The following PTPRT variants were observed in gnomAD, a reference collection of about 807,000 sequenced individuals.
The protein encoded by PTPRT is protein tyrosine phosphatase receptor type T.
A neutral mutation model predicts 176.8 loss-of-function variants in PTPRT; 56 were observed. That is an observed-to-expected ratio of 0.32 (90% CI 0.26 to 0.40). PTPRT has a LOEUF of 0.40. Among genes scored for constraint, PTPRT ranks in the 10% least tolerant of loss-of-function variants. The pLI is 1.00. For missense variants in PTPRT, 1,540 were observed against 1,908.2 expected (o/e 0.81, Z 3.60); for synonymous variants, 783 against 739.0 (o/e 1.06, Z -0.96).
intron 1 of PTPRT, among the ~76,000 whole-genome samples, chr20:43,053,062 A>T (rs1338968747): frequency 1.3e-5 from 2 of 152,234 alleles, no homozygotes; most frequent in Non-Finnish European, 2.9e-5. Context: ...GACATAAAAA[A>T]AAAAAGGAGT....
chr20:42,062,603 T>TC, the PTPRT span, among the ~76,000 whole-genome samples: 2 of 152,236 alleles, frequency 1.3e-5, no homozygotes, highest in Admixed American at 6.5e-5. Flanking sequence ...GGATTTTTTT[T>TC]CCCACATAAA....
chr20:42,948,881 C>T (rs548292732), intron 1 of PTPRT, among the ~76,000 whole-genome samples: 1 of 152,330 alleles, frequency 6.6e-6, no homozygotes, highest in South Asian at 2.1e-4. Context: ...CCCACGTATC[C>T]AATTGTCCAT....
At chr20:42,492,401 T>G (rs2071575545) in intron 7 of PTPRT, among the ~76,000 whole-genome samples, 1 of 152,224 alleles carries the variant, frequency 6.6e-6, no homozygotes, top group Admixed American at 6.6e-5. Context: ...GTGTAGTGAT[T>G]CCTCACTGTG....
chr20:42,118,278 C>T lies in PTPRT; in HGVS notation c.2982+125G>A, dbSNP rs546932039. 38 of 696,722 alleles carry T rather than the reference C, an allele frequency of 5.5e-5. No homozygotes were observed. In the African/African-American group the frequency reaches 6.6e-4, roughly 12 times the overall value. 43.2% of individuals were successfully genotyped at this position (696,722 alleles called of 1,614,324 possible). ...TGTGGAATAGGAGTGATGACACCTC[C>T]CTTGTAGGTTGCCGTGAGGGTGAAA... On this transcript the variant is annotated intron_variant, in intron 21 of 30. Coordinates refer to ENST00000373187, the MANE Select transcript of PTPRT (RefSeq NM_007050.6).
At chr20:42,888,736 C>T (rs1352716994) in intron 1 of PTPRT, among the ~76,000 whole-genome samples, 2 of 152,182 alleles carry the variant, frequency 1.3e-5, no homozygotes, top group African/African-American at 4.8e-5. Context: ...TCCATTCCTT[C>T]ACTTATTCTA....
chr20:43,120,277 GT>G (rs11482986), intron 1 of PTPRT, among the ~76,000 whole-genome samples: 52 of 147,826 alleles, frequency 3.5e-4, no homozygotes, highest in East Asian at 8.0e-4. Context: ...TCCAGATCCA[GT>G]TTTTTTTTTT....
intron 7 of PTPRT, among the ~76,000 whole-genome samples, chr20:42,676,561 C>T (rs2075507399): frequency 7.1e-6 from 1 of 140,014 alleles, no homozygotes; most frequent in Non-Finnish European, 1.5e-5. Context: ...CTCTCTCTCT[C>T]TCTTTTATTC....
At chr20:42,528,560 C>A (rs2145528276) in intron 7 of PTPRT, among the ~76,000 whole-genome samples, 1 of 152,286 alleles carries the variant, frequency 6.6e-6, no homozygotes, top group Non-Finnish European at 1.5e-5. Context: ...CCCTTCCACT[C>A]CTGATGCCCT....
At chr20:42,414,191 A>G (rs2059043733) in intron 9 of PTPRT, among the ~76,000 whole-genome samples, 1 of 152,226 alleles carries the variant, frequency 6.6e-6, no homozygotes, top group Non-Finnish European at 1.5e-5. Flanking sequence ...TTGATGGATG[A>G]ATATCAGTAG....
intron 9 of PTPRT, among the ~76,000 whole-genome samples, chr20:42,405,267 T>C (rs1020277035): frequency 2.0e-5 from 3 of 151,792 alleles, no homozygotes; most frequent in African/African-American, 7.3e-5. Context: ...TATGTATACA[T>C]GTGCCATGTT....
intron 1 of PTPRT, among the ~76,000 whole-genome samples, chr20:43,065,675 T>A (rs1444189393): frequency 6.6e-6 from 1 of 152,080 alleles, no homozygotes. Context: ...GAGGTTCAGG[T>A]AAGGTGGGAC....
chr20:42,963,436 AAAC>A (rs1210247212), intron 1 of PTPRT, among the ~76,000 whole-genome samples: 2 of 151,362 alleles, frequency 1.3e-5, no homozygotes, highest in African/African-American at 4.8e-5. Flanking sequence ...AAAAAAATAA[AAAC>A]AACCTAACCA....
chr20:42,546,441 G>C (rs1362741178), intron 7 of PTPRT, among the ~76,000 whole-genome samples: 3 of 151,028 alleles, frequency 2.0e-5, no homozygotes, highest in East Asian at 3.9e-4. Context: ...CATACTACTA[G>C]TTAGGTTTTC....
chr20:43,171,180 T>C (rs1317364793), intron 1 of PTPRT, among the ~76,000 whole-genome samples: 1 of 152,232 alleles, frequency 6.6e-6, no homozygotes, highest in Admixed American at 6.5e-5. Context: ...TTAGAAAATA[T>C]AAATATGAAT....
intron 6 of PTPRT, among the ~76,000 whole-genome samples, chr20:42,684,632 CA>C (rs528248070): frequency 3.9e-5 from 6 of 152,094 alleles, no homozygotes; most frequent in Non-Finnish European, 8.8e-5. Flanking sequence ...CTGAAATACC[CA>C]AAGGCCTGAG....
intron 7 of PTPRT, among the ~76,000 whole-genome samples, chr20:42,509,672 T>G (rs2145448509): frequency 6.6e-6 from 1 of 152,058 alleles, no homozygotes; most frequent in Admixed American, 6.6e-5. Context: ...CTCAGGATTC[T>G]TTTAAGTAAG....
chr20:42,683,952 A>G (rs1029135379), intron 6 of PTPRT, among the ~76,000 whole-genome samples: 8 of 152,232 alleles, frequency 5.3e-5, no homozygotes, highest in African/African-American at 1.2e-4. Flanking sequence ...ACAGTGAGCA[A>G]TCGGCAGTAG....
intron 7 of PTPRT, among the ~76,000 whole-genome samples, chr20:42,558,369 A>AT (rs1171124413): frequency 2.0e-5 from 3 of 152,064 alleles, no homozygotes; most frequent in African/African-American, 7.2e-5. Context: ...CCAGTCTACC[A>AT]TTGTTGGGCA....
chr20:42,423,328 TA>T (rs2059137355), intron 9 of PTPRT, among the ~76,000 whole-genome samples: 1 of 152,060 alleles, frequency 6.6e-6, no homozygotes, highest in African/African-American at 2.4e-5. Flanking sequence ...GCTTATAGGC[TA>T]GGTATCAGGC....
Sources: gnomAD v4.1 joint callset for allele counts (sites outside exome capture counted in the v4.1 genomes callset) on GRCh38, gnomAD v4.1.1 for gene constraint, MANE v1.5 for transcripts, NCBI Gene and HGNC (gene_info 2026-07-23, HGNC 2026-07-21) for gene names.